Variants in SMARCAL1 observed in about 807,000 individuals in gnomAD.
SMARCAL1 encodes the protein ATP-driven annealing helicase.
In SMARCAL1, 58 loss-of-function variants were observed where a neutral mutation model predicts 94.5. That is an observed-to-expected ratio of 0.61 (90% CI 0.50 to 0.76). SMARCAL1 has a LOEUF of 0.76. Among genes scored for constraint, SMARCAL1 ranks in the 30% least tolerant of loss-of-function variants. The probability of loss-of-function intolerance (pLI) is 0.00; values close to 1 mark genes in which losing one functional copy is unlikely to be tolerated. For synonymous variants in SMARCAL1, 422 were observed against 455.1 expected, an observed-to-expected ratio of 0.93 and a Z score of 0.93; for missense variants, 1,051 against 1,177.9, an observed-to-expected ratio of 0.89 and a Z score of 1.58.
chr2:216,471,875 T>G (rs1410755556), intron 14 of SMARCAL1, among the ~76,000 whole-genome samples: 1 of 152,188 alleles, frequency 6.6e-6, no homozygotes, highest in East Asian at 1.9e-4. Flanking sequence ...ATTAAATAAA[T>G]TATAGTCCAT....
chr2:216,422,471 G>T (rs112294725), intron 5 of SMARCAL1, among the ~76,000 whole-genome samples: 7,031 of 152,298 alleles, frequency 0.046, 257 homozygotes, highest in African/African-American at 0.1. Context: ...TGAAGGTATG[G>T]ATACTGATCC....
chr2:216,465,134 C>T (rs1694805149), intron 13 of SMARCAL1, among the ~76,000 whole-genome samples: 1 of 152,126 alleles, frequency 6.6e-6, no homozygotes, highest in Non-Finnish European at 1.5e-5. Context: ...AAGCAAGAGA[C>T]TAAAACCCTG....
At chr2:216,434,209 C>T (rs993742482) in intron 8 of SMARCAL1, among the ~76,000 whole-genome samples, 5 of 151,954 alleles carry the variant, frequency 3.3e-5, no homozygotes, top group African/African-American at 4.8e-5. Flanking sequence ...GTCAGCCAGA[C>T]GGTGACCAGC....
chr2:216,433,056 A>T (rs1380159789), intron 8 of SMARCAL1, among the ~76,000 whole-genome samples, 188 bp downstream of exon 8: 1 of 152,116 alleles, frequency 6.6e-6, no homozygotes, highest in Non-Finnish European at 1.5e-5. Context: ...GAATCAGGTT[A>T]CACCTTGAGG....
chr2:216,415,118 C>T lies in SMARCAL1; in HGVS notation c.414C>T (p.Leu138=), dbSNP rs1230218924. The T allele has an allele frequency of 1.2e-6, 2 of 1,613,526 alleles. No individual in the cohort carries two copies. Among genetic ancestry groups the T allele is most frequent in the Non-Finnish European group, 1.7e-6 (2 of 1,179,736 alleles). The change falls in exon 3 of 18, where the codon CTC becomes CTT. Residue 138 remains leucine, a synonymous_variant. Transcript: ENST00000357276. Reference sequence around the variant, plus strand: ...CTCCAGAGGTCCCTAAACAACAGCTCTTGAGTTATGAGTTAGGTCAAGGTC... The same window carrying T: ...CTCCAGAGGTCCCTAAACAACAGCTTTTGAGTTATGAGTTAGGTCAAGGTC... ...QSPPEVPKQQ[L]LSYELGQGHA...
At chr2:216,477,799 T>C (rs1695120760) in intron 16 of SMARCAL1, among the ~76,000 whole-genome samples, 1 of 152,198 alleles carries the variant, frequency 6.6e-6, no homozygotes. Flanking sequence ...TTATCTCATT[T>C]GTTTCCACTG....
chr2:216,417,327 T>C (rs1693623855), intron 4 of SMARCAL1, among the ~76,000 whole-genome samples: 1 of 152,138 alleles, frequency 6.6e-6, no homozygotes, highest in African/African-American at 2.4e-5. Context: ...CGTGACAAAG[T>C]ACCACTGACT....
At chr2:216,417,834 T>A (rs1219012803) in intron 4 of SMARCAL1, among the ~76,000 whole-genome samples, 1 of 152,202 alleles carries the variant, frequency 6.6e-6, no homozygotes, top group South Asian at 2.1e-4. Flanking sequence ...TTGCGGTTGT[T>A]TTGTCTTTTT....
At chr2:216,462,278 G>T (rs1473077283) in intron 12 of SMARCAL1, among the ~76,000 whole-genome samples, 1 of 152,210 alleles carries the variant, frequency 6.6e-6, no homozygotes, top group Non-Finnish European at 1.5e-5. Context: ...ATGAGTGAGT[G>T]TAGGTGGGAG....
At chr2:216,470,328 T>C (rs1003579171) in intron 14 of SMARCAL1, among the ~76,000 whole-genome samples, 1 of 151,900 alleles carries the variant, frequency 6.6e-6, no homozygotes, top group Admixed American at 6.6e-5. Flanking sequence ...TTTTTTTGCA[T>C]TTTTTTAGTA....
chr2:216,448,156 G>A (rs1306511851), intron 11 of SMARCAL1, among the ~76,000 whole-genome samples: 1 of 152,168 alleles, frequency 6.6e-6, no homozygotes, highest in African/African-American at 2.4e-5. Context: ...GCTGGTTATT[G>A]AGGCAGGAAA....
chr2:216,444,977 C>A (rs1240442033), intron 10 of SMARCAL1, among the ~76,000 whole-genome samples: 1 of 152,196 alleles, frequency 6.6e-6, no homozygotes, highest in Non-Finnish European at 1.5e-5. Context: ...CATCTGATCC[C>A]AACAGTGTCT....
rs186932290 is a variant in SMARCAL1, at chr2:216,476,345, G to A, written c.2428-764G>A. Among the ~76,000 whole-genome samples the A allele has an allele frequency of 7.2e-4, 110 of 151,734 alleles. 1 individual carries two copies. The highest frequency in any genetic ancestry group is 2.4e-3 in the African/African-American group (101 of 41,358). ...TTTTCTTTTGCTTTTTTGAGACAGGGTCTTGCTCTGTCACCCAGGCTGGAC... is the reference window on the plus strand; with the variant it reads ...TTTTCTTTTGCTTTTTTGAGACAGGATCTTGCTCTGTCACCCAGGCTGGAC... On this transcript the variant is annotated intron_variant, in intron 15 of 17. Coordinates refer to ENST00000357276, the MANE Select transcript of SMARCAL1 (RefSeq NM_014140.4).
At chr2:216,480,150 T>C (rs757486086) in intron 17 of SMARCAL1, among the ~76,000 whole-genome samples, 7 of 152,258 alleles carry the variant, frequency 4.6e-5, no homozygotes, top group Non-Finnish European at 1.0e-4. Flanking sequence ...TAAGCATTTC[T>C]ACCTAAAATA....
chr2:216,455,004 A>C (rs973592065), intron 12 of SMARCAL1, among the ~76,000 whole-genome samples: 1 of 152,228 alleles, frequency 6.6e-6, no homozygotes, highest in Non-Finnish European at 1.5e-5. Flanking sequence ...TCCCACCCTA[A>C]TACTGCGCTT....
Position 216,469,018 on chromosome 2 carries a change from G to T in SMARCAL1, c.2244+972G>T, listed in dbSNP as rs1694898431. Among the ~76,000 whole-genome samples the T allele has an allele frequency of 2.6e-5, 4 of 151,988 alleles. No individual in the cohort carries two copies. In the South Asian group the frequency reaches 8.3e-4, roughly 32 times the overall value. On this transcript the variant is annotated intron_variant, in intron 14 of 17. Transcript: ENST00000357276. ...ATGAGCCACCACACCCAGCCTGAAG[G>T]TTTATTTTTTTAATAATAAAATACT...
At chr2:216,453,650 T>C (rs1324786802) in intron 12 of SMARCAL1, among the ~76,000 whole-genome samples, 1 of 152,182 alleles carries the variant, frequency 6.6e-6, no homozygotes, top group Non-Finnish European at 1.5e-5. Flanking sequence ...GGACTTATTT[T>C]TTTTATGGTT....
At chr2:216,434,751 G>A (rs1007512536) in intron 8 of SMARCAL1, among the ~76,000 whole-genome samples, 1 of 151,982 alleles carries the variant, frequency 6.6e-6, no homozygotes, top group South Asian at 2.1e-4. Flanking sequence ...AGGCTGAGGC[G>A]GGAGGATCAC....
At chr2:216,469,215 T>C (rs1233349965) in intron 14 of SMARCAL1, among the ~76,000 whole-genome samples, 1 of 151,636 alleles carries the variant, frequency 6.6e-6, no homozygotes, top group Non-Finnish European at 1.5e-5. Context: ...AAATTTAAAA[T>C]AAATGACAGC....
Sources: gnomAD v4.1 joint callset for allele counts (sites outside exome capture counted in the v4.1 genomes callset) on GRCh38, gnomAD v4.1.1 for gene constraint, MANE v1.5 for transcripts, NCBI Gene and HGNC (gene_info 2026-07-23, HGNC 2026-07-21) for gene names.